The following REXO1 variants were observed in gnomAD, a reference collection of about 807,000 sequenced individuals.
REXO1 encodes the protein RNA exonuclease 1 homolog, also known as REX1, RNA exonuclease 1 homolog.
REXO1 carries 42 observed loss-of-function variants against 102.6 expected under a neutral mutation model. The ratio of observed to expected loss-of-function variants is 0.41; its 90% CI spans 0.32 to 0.53. The LOEUF is 0.53. REXO1 is among the 20% of genes least tolerant of loss of function. The pLI, the probability that REXO1 is intolerant of heterozygous loss-of-function variation, is 0.27. For missense variants in REXO1, 1,819 were observed against 1,732.5 expected (o/e 1.05, Z -0.89); for synonymous variants, 908 against 779.1 (o/e 1.17, Z -2.76).
intron 1 of REXO1, among the ~76,000 whole-genome samples, chr19:1,847,880 C>T (rs986193399): frequency 5.3e-5 from 8 of 152,212 alleles, no homozygotes; most frequent in African/African-American, 1.4e-4. Flanking sequence ...TAGCGCCGGC[C>T]GCGCCCGTCT....
At chr19:1,829,801 C>A (rs1490183617) in intron 1 of REXO1, among the ~76,000 whole-genome samples, 1 of 152,148 alleles carries the variant, frequency 6.6e-6, no homozygotes, top group African/African-American at 2.4e-5. Context: ...AGAGTGAAAC[C>A]CCGTCTCAAC....
intron 1 of REXO1, chr19:1,834,893 C>A: frequency 2.9e-6 from 1 of 345,122 alleles, no homozygotes; most frequent in South Asian, 1.9e-5. Context: ...AGATCAGGAT[C>A]TGCACCACGG....
In REXO1 at chr19:1,827,328, G is replaced by A. The variant is rs910157317; in HGVS notation, c.1461C>T (p.Ala487=). 1 of 1,558,138 alleles carries A rather than the reference G, an allele frequency of 6.4e-7. No individual in the cohort carries two copies. The highest frequency in any genetic ancestry group is 8.6e-7 in the Non-Finnish European group (1 of 1,156,718). ...TCCGCTCCACTAGCTTCCCCGACGG[G>A]GCCTTGGTGCTCTTCCTGTCGGGCA... ...LQLPDRKSTK[A]PSGKLVERKA... is the part of the protein sequence containing the mutation. The change falls in exon 2 of 16, where the codon GCC becomes GCT. Residue 487 remains alanine (A), a synonymous_variant. Transcript: ENST00000170168.
intron 1 of REXO1, among the ~76,000 whole-genome samples, chr19:1,841,303 C>T (rs1360263140): frequency 2.0e-5 from 3 of 152,258 alleles, no homozygotes; most frequent in African/African-American, 4.8e-5. Context: ...GAACAAGCCA[C>T]GGCCGGGCGC....
chr19:1,841,987 G>A (rs1365582712), intron 1 of REXO1, among the ~76,000 whole-genome samples: 1 of 152,122 alleles, frequency 6.6e-6, no homozygotes, highest in Non-Finnish European at 1.5e-5. Context: ...GAGGCGGGTG[G>A]ATCACTTGAG....
chr19:1,817,152 G>GGGGCCAGATA (rs2145229833), intron 12 of REXO1, 67 bp downstream of exon 12: 2 of 1,585,044 alleles, frequency 1.3e-6, no homozygotes, highest in Non-Finnish European at 1.7e-6. Context: ...GGGGCCAGAT[G>GGGGCCAGATA]GGGCGGCCGC....
Position 1,827,443 on chromosome 19 carries a change from C to T in REXO1, c.1346G>A (p.Gly449Glu), listed in dbSNP as rs773878326. ...CCGCCGCGCTGGCCGGTCAGGCCTC[C>T]CTTTCCCTGAGGTGGCCACAGGAGT... ...SATPVATSGK[G>E]RPDRPARRPS... The change falls in exon 2 of 16, where the codon GGG becomes GAG. Residue 449 changes from glycine to glutamate, a missense_variant. Physicochemically the swap from Gly to Glu is moderately conservative, Grantham distance 98. Transcript: ENST00000170168. 3 of 1,558,942 alleles carry T rather than the reference C, an allele frequency of 1.9e-6. No homozygotes were observed. The highest frequency in any genetic ancestry group is 2.8e-5 in the African/African-American group (2 of 72,196).
chr19:1,842,751 C>A (rs1004035756), intron 1 of REXO1, among the ~76,000 whole-genome samples: 1 of 152,242 alleles, frequency 6.6e-6, no homozygotes, highest in East Asian at 1.9e-4. Flanking sequence ...GCCCGGCAAG[C>A]GGCCTGGTGC....
rs139454246 is a variant in REXO1 at position 1,829,211 on chromosome 19, C to G, written c.158-580G>C. Among the ~76,000 whole-genome samples, 6 of 152,208 alleles carry G rather than the reference C, an allele frequency of 3.9e-5. No homozygotes were observed. In the East Asian group the frequency reaches 9.7e-4, roughly 25 times the overall value. ...AGCAGGGCCGGGGGATGGGGACATG[C>G]CCAGTTGATGGGCCACCCTGCAAAA... On this transcript the variant is annotated intron_variant, in intron 1 of 15. Transcript: ENST00000170168.
chr19:1,834,341 C>T (rs924327993), intron 1 of REXO1, among the ~76,000 whole-genome samples: 2 of 152,168 alleles, frequency 1.3e-5, no homozygotes, highest in African/African-American at 4.8e-5. Context: ...AGCCAGGCCC[C>T]CAAGCAGAGC....
intron 1 of REXO1, among the ~76,000 whole-genome samples, chr19:1,841,311 C>A (rs1382552449): frequency 6.6e-6 from 1 of 152,244 alleles, no homozygotes; most frequent in Non-Finnish European, 1.5e-5. Context: ...CACGGCCGGG[C>A]GCACCCAGCG....
Position 1,818,021 on chromosome 19 carries a change from C to T in REXO1, c.3017-241G>A, listed in dbSNP as rs556452989. Among the ~76,000 whole-genome samples, 28 of 152,292 alleles carry T rather than the reference C, an allele frequency of 1.8e-4. No homozygotes were observed. The South Asian group carries it at 5.4e-3, about 29-fold the overall frequency. ...CAGAGGCCTCTTGGCAGCGCTGCCC[C>T]GGGCAGCACCCTCCAGGTATCCCTG... On this transcript the variant is annotated intron_variant, in intron 10 of 15. Transcript: ENST00000170168.
chr19:1,823,817 C>T, intron 3 of REXO1, 32 bp from the exon 4 acceptor site: 1 of 1,089,688 alleles, frequency 9.2e-7, no homozygotes, highest in Non-Finnish European at 1.2e-6. Flanking sequence ...GGCCTGGCAG[C>T]ACAGCGGGGG....
In REXO1 at chr19:1,819,040, G is replaced by T; in HGVS notation, c.2742C>A (p.Ser914Arg). The change falls in exon 8 of 16, where the codon AGC becomes AGA. Residue 914 changes from serine to arginine, a missense_variant. Physicochemically the swap from Ser to Arg is moderately radical, Grantham distance 110. Coordinates refer to ENST00000170168, the MANE Select transcript of REXO1 (RefSeq NM_020695.4). ...KTSFSLSRPS[S>R]PRVEDLKGAA... ...TACCTTTCAGGTCCTCCACCCGGGG[G>T]CTGCTTGGACGGCTGAGCGAGAAGC... 1 of 1,602,364 alleles carries T rather than the reference G, an allele frequency of 6.2e-7. No individual in the cohort carries two copies.
rs745716299 is a variant in REXO1 at position 1,825,888 on chromosome 19, A to G, written c.1967T>C (p.Phe656Ser). ...EKGLSGLTTL[F>S]PGQKRRISHL... ...GGAGATCCTCCTCTTCTGCCCGGGG[A>G]ACAGAGTGGTCAGACCCGAAAGCCC... is the stretch of plus-strand genomic sequence containing the variant. The change falls in exon 3 of 16, where the codon TTC becomes TCC. Residue 656 changes from phenylalanine to serine, a missense_variant. Phe to Ser is a radical substitution (Grantham distance 155). Coordinates refer to ENST00000170168, the MANE Select transcript of REXO1 (RefSeq NM_020695.4). 4 of 1,613,128 alleles carry G rather than the reference A, an allele frequency of 2.5e-6. No individual in the cohort carries two copies. The highest frequency in any genetic ancestry group is 2.5e-6 in the Non-Finnish European group (3 of 1,179,788).
chr19:1,837,124 G>T (rs1038475713), intron 1 of REXO1, among the ~76,000 whole-genome samples: 1 of 152,244 alleles, frequency 6.6e-6, no homozygotes, highest in South Asian at 2.1e-4. Context: ...CTCGCGAAGC[G>T]CAAGGCAGGG....
intron 6 of REXO1, 74 bp from the exon 7 acceptor site, chr19:1,820,131 G>T: frequency 6.4e-7 from 1 of 1,570,002 alleles, no homozygotes; most frequent in Non-Finnish European, 8.6e-7. Flanking sequence ...GGGTCGCCAT[G>T]GGGTCGGGGA....
rs192136365 is a variant in REXO1, at chr19:1,843,221, C to T, written c.157+4981G>A. Among the ~76,000 whole-genome samples, 719 of 149,456 alleles carry T rather than the reference C, an allele frequency of 4.8e-3. 5 individuals are homozygous for T. Among genetic ancestry groups the T allele is most frequent in the African/African-American group, 0.017 (669 of 40,540 alleles). ...CCCAGCCCGGAGGGTCCCAGCTCCC[C>T]GGGCCCAGAGCCGCAGCTGGGCAAA... On this transcript the variant is annotated intron_variant, in intron 1 of 15. Coordinates refer to ENST00000170168, the MANE Select transcript of REXO1 (RefSeq NM_020695.4).
chr19:1,836,808 TGGGCCCGCA>T (rs1044820386), intron 1 of REXO1, among the ~76,000 whole-genome samples: 4 of 144,128 alleles, frequency 2.8e-5, no homozygotes, highest in African/African-American at 1.0e-4. Context: ...CACCGTTCGG[TGGGCCCGCA>T]GGGCTCTCAA....
Sources: gnomAD v4.1 joint callset for allele counts (sites outside exome capture counted in the v4.1 genomes callset) on GRCh38, gnomAD v4.1.1 for gene constraint, MANE v1.5 for transcripts, NCBI Gene and HGNC (gene_info 2026-07-23, HGNC 2026-07-21) for gene names.